The following LINGO2 variants were observed in gnomAD, a reference collection of about 807,000 sequenced individuals.
LINGO2 encodes the protein leucine-rich repeat and immunoglobulin-like domain-containing nogo receptor-interacting protein 2.
A neutral mutation model predicts 30.6 loss-of-function variants in LINGO2; 14 were observed. The ratio of observed to expected loss-of-function variants is 0.46; its 90% CI spans 0.30 to 0.72. The LOEUF is 0.72. Ranked by LOEUF, LINGO2 falls within the 30% of genes least tolerant of loss-of-function variation. The probability of loss-of-function intolerance (pLI) is 0.07; values close to 1 mark genes in which losing one functional copy is unlikely to be tolerated. For synonymous variants in LINGO2, 317 were observed against 288.5 expected (o/e 1.10, Z -1.00); for missense variants, 729 against 751.7 (o/e 0.97, Z 0.35).
intron 4 of LINGO2, among the ~76,000 whole-genome samples, chr9:28,239,555 T>C (rs1180551028): frequency 2.0e-5 from 3 of 152,284 alleles, no homozygotes; most frequent in Non-Finnish European, 1.5e-5. Flanking sequence ...TTTCAAATGA[T>C]GCTGAAAAGC....
intron 4 of LINGO2, among the ~76,000 whole-genome samples, chr9:28,220,130 T>G (rs1820905011): frequency 1.3e-5 from 2 of 152,138 alleles, no homozygotes; most frequent in Non-Finnish European, 2.9e-5. Flanking sequence ...TACAGGAGGA[T>G]GTATGTATGT....
intron 3 of LINGO2, among the ~76,000 whole-genome samples, chr9:28,364,667 G>C (rs186162163): frequency 4.3e-4 from 66 of 152,280 alleles, no homozygotes; most frequent in Non-Finnish European, 7.8e-4. Context: ...TTGTATTGTA[G>C]ACAGTTATGT....
At chr9:28,593,213 T>A (rs930165819) in intron 1 of LINGO2, among the ~76,000 whole-genome samples, 15 of 152,084 alleles carry the variant, frequency 9.9e-5, no homozygotes, top group African/African-American at 3.6e-4. Flanking sequence ...AGAATGATAA[T>A]AAAGCTATCA....
the LINGO2 span, among the ~76,000 whole-genome samples, chr9:28,926,123 G>A: frequency 6.6e-6 from 1 of 152,110 alleles, no homozygotes; most frequent in African/African-American, 2.4e-5. Flanking sequence ...GACCAGCCTG[G>A]CCAACATGGT....
the LINGO2 span, among the ~76,000 whole-genome samples, chr9:28,878,725 C>T: frequency 6.6e-6 from 1 of 152,028 alleles, no homozygotes; most frequent in Non-Finnish European, 1.5e-5. Flanking sequence ...TAAACAGAAC[C>T]AAAGACAAAA....
intron 4 of LINGO2, among the ~76,000 whole-genome samples, chr9:28,169,016 C>CAA (rs1170240020): frequency 6.6e-6 from 1 of 152,118 alleles, no homozygotes; most frequent in Non-Finnish European, 1.5e-5. Context: ...ACAAATGAGC[C>CAA]AAACATCTGC....
chr9:28,422,211 A>G (rs575273422), intron 2 of LINGO2, among the ~76,000 whole-genome samples: 2 of 152,254 alleles, frequency 1.3e-5, no homozygotes, highest in South Asian at 4.1e-4. Context: ...TGACACTATC[A>G]ATAGAATAAA....
the LINGO2 span, among the ~76,000 whole-genome samples, chr9:29,075,043 T>C: frequency 6.6e-6 from 1 of 152,146 alleles, no homozygotes; most frequent in Admixed American, 6.5e-5. Context: ...TGTGCTTTCG[T>C]CAACTAGCTG....
At chr9:28,209,390 CT>C (rs1287092388) in intron 4 of LINGO2, among the ~76,000 whole-genome samples, 2 of 151,910 alleles carry the variant, frequency 1.3e-5, no homozygotes, top group African/African-American at 2.4e-5. Context: ...TAGCTCTTAG[CT>C]TTAATTTCCC....
intron 3 of LINGO2, among the ~76,000 whole-genome samples, chr9:28,315,143 G>C (rs180763292): frequency 6.7e-5 from 10 of 150,320 alleles, no homozygotes; most frequent in Admixed American, 1.3e-4. Flanking sequence ...AGACACACTC[G>C]CCTGTAATCC....
the LINGO2 span, among the ~76,000 whole-genome samples, chr9:28,730,967 T>A: frequency 6.6e-6 from 1 of 151,982 alleles, no homozygotes; most frequent in South Asian, 2.1e-4. Context: ...GCAAATAGTA[T>A]AAAGTCCAGA....
chr9:28,254,077 G>A (rs182172813), intron 4 of LINGO2, among the ~76,000 whole-genome samples: 1 of 152,058 alleles, frequency 6.6e-6, no homozygotes, highest in East Asian at 1.9e-4. Flanking sequence ...TTTCATGGCC[G>A]TGTGACAAGG....
chr9:28,313,613 C>G (rs552917100), intron 3 of LINGO2, among the ~76,000 whole-genome samples: 21 of 152,206 alleles, frequency 1.4e-4, no homozygotes, highest in Admixed American at 4.6e-4. Context: ...GATTGTTAGG[C>G]AGAGAGGCTG....
At chr9:28,054,140 G>T (rs149833836) in intron 4 of LINGO2, among the ~76,000 whole-genome samples, 3 of 152,052 alleles carry the variant, frequency 2.0e-5, no homozygotes, top group African/African-American at 7.2e-5. Flanking sequence ...TGTTGAGACT[G>T]AAGTTATTGG....
At chr9:28,704,331 CCTT>C in the LINGO2 span, among the ~76,000 whole-genome samples, 1 of 151,772 alleles carries the variant, frequency 6.6e-6, no homozygotes, top group Non-Finnish European at 1.5e-5. Context: ...TATTTTTTCT[CCTT>C]CTGGTATTTT....
exon 6 of LINGO2, chr9:27,949,803 G>A: frequency 6.2e-7 from 1 of 1,614,130 alleles, no homozygotes; most frequent in Non-Finnish European, 8.5e-7. Context: ...GAACATGCCT[G>A]CTTCAATAGT....
At chr9:29,185,268 C>A in the LINGO2 span, among the ~76,000 whole-genome samples, 1 of 152,016 alleles carries the variant, frequency 6.6e-6, no homozygotes, top group Non-Finnish European at 1.5e-5. Flanking sequence ...AAATGGTACC[C>A]CTCAGAATAG....
the LINGO2 span, among the ~76,000 whole-genome samples, chr9:28,882,867 A>G: frequency 6.6e-6 from 1 of 152,116 alleles, no homozygotes; most frequent in Non-Finnish European, 1.5e-5. Flanking sequence ...GTAGTTTTTA[A>G]ATCTTCACTG....
At chr9:29,055,682 T>C in the LINGO2 span, among the ~76,000 whole-genome samples, 12 of 152,220 alleles carry the variant, frequency 7.9e-5, no homozygotes, top group African/African-American at 2.4e-4. Context: ...GTGTACACTG[T>C]AACCAGTGGG....
Sources: gnomAD v4.1 joint callset for allele counts (sites outside exome capture counted in the v4.1 genomes callset) on GRCh38, gnomAD v4.1.1 for gene constraint, MANE v1.5 for transcripts, NCBI Gene and HGNC (gene_info 2026-07-23, HGNC 2026-07-21) for gene names.